The following TASOR2 variants were observed in gnomAD, a reference collection of about 807,000 sequenced individuals.
TASOR2 encodes the protein protein TASOR 2.
A neutral mutation model predicts 199.5 loss-of-function variants in TASOR2; 84 were observed. That is an observed-to-expected ratio of 0.42 (90% CI 0.35 to 0.50). TASOR2 has a LOEUF of 0.50. Ranked by LOEUF, TASOR2 falls within the 20% of genes least tolerant of loss-of-function variation. The pLI, the probability that TASOR2 is intolerant of heterozygous loss-of-function variation, is 0.02. For missense variants in TASOR2, 2,796 were observed against 2,835.9 expected (o/e 0.99, Z 0.32); for synonymous variants, 1,103 against 1,046.6 (o/e 1.05, Z -1.04).
In TASOR2 at chr10:5,757,513, C is replaced by T. The variant is rs772310352; in HGVS notation, c.6733-7C>T. On this transcript the variant is annotated splice_region_variant and splice_polypyrimidine_tract_variant and intron_variant, in intron 16 of 20. Coordinates refer to ENST00000328090, the Ensembl canonical transcript of TASOR2. The stretch of plus-strand genomic sequence containing the variant: ...CTCTTCACCGGGGTCCTTTTTGTGT[C>T]ATGCAGATTCCTTCTTTGCTGAAGC... The T allele has an allele frequency of 6.3e-7, 1 of 1,592,568 alleles. No homozygotes were observed. Among genetic ancestry groups the T allele is most frequent in the South Asian group, 1.2e-5 (1 of 86,588 alleles).
At position 5,752,555 on chromosome 10, in the gene TASOR2, G is replaced by A. The variant is rs1838217432; in HGVS notation, c.6606+2528G>A. On this transcript the variant is annotated intron_variant, in intron 15 of 20. Transcript: ENST00000328090. This position sits in a 1 kb window ranked among gnomAD's most constrained non-coding sequence, Gnocchi z 4.4. The stretch of plus-strand genomic sequence containing the variant: ...CTGCGCTAACTCCAGAATGTCACGT[G>A]GCGAGTCCATGGGGGCTGGATTACT... Among the ~76,000 whole-genome samples, 2 of 152,204 alleles carry A rather than the reference G, an allele frequency of 1.3e-5. No individual in the cohort carries two copies. Among genetic ancestry groups the A allele is most frequent in the Admixed American group, 1.3e-4 (2 of 15,292 alleles).
intron 16 of TASOR2, among the ~76,000 whole-genome samples, chr10:5,756,971 A>C (rs1430666092): frequency 5.3e-5 from 8 of 152,232 alleles, no homozygotes; most frequent in East Asian, 1.9e-4. Flanking sequence ...GAGGTTGCTA[A>C]ATTTTTTCAT....
chr10:5,686,256 A>C (rs966923286), intron 1 of TASOR2, among the ~76,000 whole-genome samples: 13 of 152,222 alleles, frequency 8.5e-5, no homozygotes, highest in African/African-American at 3.1e-4. Flanking sequence ...AAATGTAACT[A>C]ATTTTTTTAA....
chr10:5,724,444 T>G, exon 8 of TASOR2: 1 of 1,533,760 alleles, frequency 6.5e-7, no homozygotes, highest in Non-Finnish European at 8.8e-7. Context: ...TTTTCAAGAT[T>G]TGTGCTTCAA....
At chr10:5,724,913 A>G (rs1833857431) in intron 8 of TASOR2, among the ~76,000 whole-genome samples, 1 of 152,094 alleles carries the variant, frequency 6.6e-6, no homozygotes, top group Non-Finnish European at 1.5e-5. Flanking sequence ...AACAATAATA[A>G]AATGGAATAG....
At position 5,754,833 on chromosome 10, in the gene TASOR2, G is replaced by A. The variant is rs915134901; in HGVS notation, c.6607-1780G>A. Among the ~76,000 whole-genome samples the A allele has an allele frequency of 9.9e-5, 15 of 151,542 alleles. No homozygotes were observed. The highest frequency in any genetic ancestry group is 8.5e-4 in the Admixed American group (13 of 15,240). ...CCGAGGTGGGCGGATCACAAGGTCA[G>A]GAGATTGAGACCTTCCTGGCTAACA... On this transcript the variant is annotated intron_variant, in intron 15 of 20. Transcript: ENST00000328090. This position sits in a 1 kb window ranked among gnomAD's most constrained non-coding sequence, Gnocchi z 4.3.
chr10:5,718,392 T>TAAA (rs59475949), intron 3 of TASOR2, among the ~76,000 whole-genome samples: 1,908 of 137,466 alleles, frequency 0.014, 45 homozygotes, highest in African/African-American at 0.049. Context: ...GACCTTTAAT[T>TAAA]AAAAAAAAAA....
At chr10:5,714,192 G>C in intron 2 of TASOR2, 1 of 1,231,800 alleles carries the variant, frequency 8.1e-7, no homozygotes, top group Non-Finnish European at 1.0e-6. Context: ...TACCACTCTG[G>C]GTGATCCAGC....
In TASOR2 at chr10:5,726,970, GT is replaced by G. The variant is rs1270533798; in HGVS notation, c.424+17del. ...CTATCAGAACCAGGTATGGAGAACT[GT>G]TTTGGGAAAAAATATTTTTCATTAT... On this transcript the variant is annotated intron_variant, in intron 9 of 20. Transcript: ENST00000328090. The G allele has an allele frequency of 6.2e-7, 1 of 1,613,594 alleles. No homozygotes were observed. The highest frequency in any genetic ancestry group is 1.7e-5 in the Admixed American group (1 of 59,954).
Position 5,750,621 on chromosome 10 carries a change from A to G in TASOR2, c.6606+594A>G, listed in dbSNP as rs1837900972. 6.6e-6 allele frequency among the ~76,000 whole-genome samples: 1 copy of G among 152,212 alleles called. No individual in the cohort carries two copies. Among genetic ancestry groups the G allele is most frequent in the Admixed American group, 6.5e-5 (1 of 15,286 alleles). ...TCGGGCATAGACAGTATTTTTAAAAATTTAATTGTTTTTAATTTCAAATTT... is the reference window on the plus strand; with the variant it reads ...TCGGGCATAGACAGTATTTTTAAAAGTTTAATTGTTTTTAATTTCAAATTT... On this transcript the variant is annotated intron_variant, in intron 15 of 20. Transcript: ENST00000328090. This position sits in a 1 kb window ranked among gnomAD's most constrained non-coding sequence, Gnocchi z 5.4.
chr10:5,708,228 C>A (rs961175885), intron 1 of TASOR2, among the ~76,000 whole-genome samples: 1 of 151,792 alleles, frequency 6.6e-6, no homozygotes, highest in Non-Finnish European at 1.5e-5. Flanking sequence ...TCATATTAAA[C>A]TATTTGCAGT....
chr10:5,736,534 C>T (rs1286297920), intron 12 of TASOR2, among the ~76,000 whole-genome samples: 4 of 152,114 alleles, frequency 2.6e-5, no homozygotes, highest in Non-Finnish European at 5.9e-5. Flanking sequence ...GGATTACAGG[C>T]ATGAGCTACC....
In TASOR2 at chr10:5,751,067, A is replaced by G. The variant is rs1405905809; in HGVS notation, c.6606+1040A>G. ...AGATGAGAATACTCAGATATCATGT[A>G]GTGCTCTTGTCAGTGCATTCATTGT... is the stretch of plus-strand genomic sequence containing the variant. On this transcript the variant is annotated intron_variant, in intron 15 of 20. Coordinates refer to ENST00000328090, the Ensembl canonical transcript of TASOR2. This position sits in a 1 kb window ranked among gnomAD's most constrained non-coding sequence, Gnocchi z 5.3. Among the ~76,000 whole-genome samples the G allele has an allele frequency of 2.6e-5, 4 of 152,258 alleles. No homozygotes were observed. The highest frequency in any genetic ancestry group is 6.5e-5 in the Admixed American group (1 of 15,282).
intron 1 of TASOR2, among the ~76,000 whole-genome samples, chr10:5,695,624 A>G (rs1053638840): frequency 6.6e-6 from 1 of 152,210 alleles, no homozygotes; most frequent in African/African-American, 2.4e-5. Context: ...AACATGTTCA[A>G]TTGTATACAC....
chr10:5,740,148 C>T lies in TASOR2; in HGVS notation c.1978C>T (p.Leu660Phe), dbSNP rs1196741541. 1.2e-6 allele frequency: 2 copies of T among 1,614,208 alleles called. No homozygotes were observed. Among genetic ancestry groups the T allele is most frequent in the Non-Finnish European group, 1.7e-6 (2 of 1,180,046 alleles). ...TGTGGAACATTCATATGCCCTGCTCCTTACAGAACATTCAAAGAAACATCT... is the reference window on the plus strand; with the variant it reads ...TGTGGAACATTCATATGCCCTGCTCTTTACAGAACATTCAAAGAAACATCT... The change falls in exon 13 of 21, where the codon CTT (leucine) becomes TTT (phenylalanine). Residue 660 changes from leucine (L) to phenylalanine (F), a missense_variant. Around this residue, in one of 3 missense-constraint regions of TASOR2, gnomAD observed 847 missense variants for 887.4 expected, o/e 0.95. Transcript: ENST00000328090. The surrounding 1 kb of genome is among the most constrained non-coding windows in gnomAD (Gnocchi z 5.3).
chr10:5,718,513 C>T (rs1234027590), intron 3 of TASOR2, among the ~76,000 whole-genome samples: 1 of 151,460 alleles, frequency 6.6e-6, no homozygotes, highest in Non-Finnish European at 1.5e-5. Flanking sequence ...TTTGGGAGGC[C>T]GAGGCGGGTG....
intron 1 of TASOR2, among the ~76,000 whole-genome samples, chr10:5,703,808 G>A (rs2131527103): frequency 6.6e-6 from 1 of 152,062 alleles, no homozygotes; most frequent in African/African-American, 2.4e-5. Context: ...GGCCTCTGAT[G>A]TTTTTATTTA....
chr10:5,730,034 T>C lies in TASOR2; in HGVS notation c.488-453T>C, dbSNP rs1834592980. On this transcript the variant is annotated intron_variant, in intron 10 of 20. Transcript: ENST00000328090. This position sits in a 1 kb window ranked among gnomAD's most constrained non-coding sequence, Gnocchi z 4.1. Reference sequence around the variant, plus strand: ...TCTACTTTTTTCAGTTCAGTTGACTTGCACTAACTTCTGAAAAGAATTTGA... The same window carrying C: ...TCTACTTTTTTCAGTTCAGTTGACTCGCACTAACTTCTGAAAAGAATTTGA... Among the ~76,000 whole-genome samples the C allele has an allele frequency of 6.6e-6, 1 of 152,224 alleles. No homozygotes were observed. The highest frequency in any genetic ancestry group is 1.5e-5 in the Non-Finnish European group (1 of 68,042).
intron 3 of TASOR2, among the ~76,000 whole-genome samples, chr10:5,718,558 G>A (rs1377047572): frequency 2.6e-5 from 4 of 151,930 alleles, no homozygotes; most frequent in Non-Finnish European, 5.9e-5. Flanking sequence ...GACCAGCCTA[G>A]CCAACATGGC....
Sources: allele counts gnomAD v4.1 joint callset (sites outside exome capture counted in the v4.1 genomes callset), GRCh38; gene constraint gnomAD v4.1.1; regional missense constraint gnomAD v4.1.1; non-coding constraint Gnocchi (gnomAD v3.1); transcripts MANE v1.5; gene names NCBI Gene and HGNC (gene_info 2026-07-23, HGNC 2026-07-21).